Variants in MEIS1 observed in about 807,000 individuals in gnomAD.
MEIS1 encodes the protein Meis homeobox 1.
In MEIS1, 5 loss-of-function variants were observed where a neutral mutation model predicts 50.8. The ratio of observed to expected loss-of-function variants is 0.10; its 90% CI spans 0.05 to 0.21. The LOEUF (loss-of-function observed/expected upper bound fraction) is 0.21. MEIS1 is among the 10% of genes least tolerant of loss of function. The probability of loss-of-function intolerance (pLI) is 1.00; values close to 1 mark genes in which losing one functional copy is unlikely to be tolerated. For synonymous variants in MEIS1, 176 were observed against 179.3 expected, an observed-to-expected ratio of 0.98 and a Z score of 0.15; for missense variants, 318 against 517.3, an observed-to-expected ratio of 0.61 and a Z score of 3.74.
chr2:66,497,005 T>G (rs758326479), intron 7 of MEIS1, among the ~76,000 whole-genome samples: 1 of 152,212 alleles, frequency 6.6e-6, no homozygotes, highest in Non-Finnish European at 1.5e-5. Context: ...TGAGAGTACA[T>G]GCTTCGGTGT....
chr2:66,537,137 C>T, intron 8 of MEIS1, among the ~76,000 whole-genome samples: 1 of 152,206 alleles, frequency 6.6e-6, no homozygotes, highest in East Asian at 1.9e-4. Flanking sequence ...TTTAATGTCC[C>T]TACAGACTGC....
intron 8 of MEIS1, among the ~76,000 whole-genome samples, chr2:66,545,283 A>G (rs1488508792): frequency 6.6e-6 from 1 of 152,156 alleles, no homozygotes; most frequent in Non-Finnish European, 1.5e-5. Flanking sequence ...TCAGCAAATA[A>G]TTTTACAGGA....
Position 66,549,029 on chromosome 2 carries a change from A to G in MEIS1, c.965+1010A>G, listed in dbSNP as rs552887174. Among the ~76,000 whole-genome samples the G allele has an allele frequency of 2.6e-4, 39 of 152,264 alleles. 2 individuals carry two copies. The South Asian group carries it at 6.0e-3, about 23-fold the overall frequency. On this transcript the variant is annotated intron_variant, in intron 9 of 12. Coordinates refer to ENST00000272369, the MANE Select transcript of MEIS1 (RefSeq NM_002398.3). ...GTGAATAAATTTGTTCTTGATGTCT[A>G]TTGCACCTACATTAACAGACCCTTC...
chr2:66,534,326 G>A lies in MEIS1; in HGVS notation c.889-13617G>A, dbSNP rs191999528. On this transcript the variant is annotated intron_variant, in intron 8 of 12. Transcript: ENST00000272369. ...CAAGGCGGGCGGATCACGAGGTCAG[G>A]GGTTTGAGACCAGCCTGTCCAACAT... Among the ~76,000 whole-genome samples, 834 of 152,224 alleles carry A rather than the reference G, an allele frequency of 5.5e-3. 2 individuals are homozygous for A. Among genetic ancestry groups the A allele is most frequent in the Non-Finnish European group, 8.9e-3 (607 of 68,010 alleles).
At chr2:66,543,855 A>G (rs1174249036) in intron 8 of MEIS1, among the ~76,000 whole-genome samples, 1 of 152,250 alleles carries the variant, frequency 6.6e-6, no homozygotes, top group Non-Finnish European at 1.5e-5. Flanking sequence ...AATGTACACA[A>G]CAAAGGCGAG....
chr2:66,452,249 G>C (rs549514238), intron 6 of MEIS1, among the ~76,000 whole-genome samples: 25 of 151,934 alleles, frequency 1.6e-4, no homozygotes, highest in Admixed American at 5.2e-4. Flanking sequence ...ATTTCAAATT[G>C]CTCCTTCCTA....
chr2:66,436,662 T>C (rs1390633622), intron 1 of MEIS1, among the ~76,000 whole-genome samples: 3 of 152,226 alleles, frequency 2.0e-5, no homozygotes, highest in Non-Finnish European at 2.9e-5. Flanking sequence ...TTTACTCCTT[T>C]GGTTCAGGCA....
chr2:66,560,881 A>G (rs917990522), intron 9 of MEIS1, among the ~76,000 whole-genome samples: 9 of 152,098 alleles, frequency 5.9e-5, no homozygotes, highest in Admixed American at 2.6e-4. Flanking sequence ...ATGTATTGCA[A>G]TCTTGGAACT....
chr2:66,440,123 T>C (rs1671931118), intron 3 of MEIS1, 139 bp downstream of exon 3: 4 of 881,484 alleles, frequency 4.5e-6, no homozygotes, highest in Non-Finnish European at 6.7e-6. Flanking sequence ...CAGCACGTAG[T>C]CGGCCTTAAG....
chr2:66,514,030 C>T (rs1268988112), intron 8 of MEIS1, among the ~76,000 whole-genome samples: 2 of 152,204 alleles, frequency 1.3e-5, no homozygotes, highest in Admixed American at 6.5e-5. Flanking sequence ...AGCTAACTCG[C>T]TGTGTGGAAT....
Position 66,440,532 on chromosome 2 carries a change from C to T in MEIS1, c.382-30C>T, listed in dbSNP as rs201321841. On this transcript the variant is annotated intron_variant, in intron 3 of 12. Transcript: ENST00000272369. Reference sequence around the variant, plus strand: ...TTTCTTTCTTTTTTCTCTCCCCTCCCTCTCCCCTCTCCTTCTCACTTGTAT... The same window carrying T: ...TTTCTTTCTTTTTTCTCTCCCCTCCTTCTCCCCTCTCCTTCTCACTTGTAT... 1,468 of 1,597,564 alleles carry T rather than the reference C, an allele frequency of 9.2e-4. 2 individuals are homozygous for T. The highest frequency in any genetic ancestry group is 1.2e-3 in the Non-Finnish European group (1,395 of 1,166,858).
intron 7 of MEIS1, among the ~76,000 whole-genome samples, chr2:66,495,478 T>TA (rs1673379245): frequency 6.6e-6 from 1 of 152,196 alleles, no homozygotes; most frequent in South Asian, 2.1e-4. Context: ...ATGCCTGACT[T>TA]ATGGAGAGTT....
At chr2:66,525,119 A>C (rs4233937) in intron 8 of MEIS1, among the ~76,000 whole-genome samples, 1 of 151,884 alleles carries the variant, frequency 6.6e-6, no homozygotes, top group Admixed American at 6.6e-5. Context: ...AGGCTAAGGC[A>C]GGAAAATCGC....
At chr2:66,494,191 G>T (rs961646284) in intron 7 of MEIS1, among the ~76,000 whole-genome samples, 3 of 152,082 alleles carry the variant, frequency 2.0e-5, no homozygotes, top group African/African-American at 7.2e-5. Flanking sequence ...TCAACAAATC[G>T]ATCACTTGTT....
intron 7 of MEIS1, among the ~76,000 whole-genome samples, chr2:66,466,961 G>GA (rs1672652994): frequency 1.7e-4 from 25 of 144,840 alleles, no homozygotes; most frequent in African/African-American, 4.9e-4. Context: ...AAAAAGAAAA[G>GA]AAAGAAAGAA....
At chr2:66,515,391 C>G (rs116670189) in intron 8 of MEIS1, among the ~76,000 whole-genome samples, 2,541 of 151,954 alleles carry the variant, frequency 0.017, 74 homozygotes, top group African/African-American at 0.058. Context: ...TAGAATAGGC[C>G]CTGAATTAAA....
In MEIS1 at chr2:66,440,627, C is replaced by G; in HGVS notation, c.432+15C>G. On this transcript the variant is annotated intron_variant, in intron 4 of 12. Transcript: ENST00000272369. ...TGGATAACTTGGTAAGAGCGGACCC[C>G]TATTTCCCTCCCCCGCCCCCGACCC... is the stretch of plus-strand genomic sequence containing the variant. 1 of 1,594,096 alleles carries G rather than the reference C, an allele frequency of 6.3e-7. No homozygotes were observed. Among genetic ancestry groups the G allele is most frequent in the Non-Finnish European group, 8.6e-7 (1 of 1,167,724 alleles).
intron 7 of MEIS1, among the ~76,000 whole-genome samples, chr2:66,493,311 A>G (rs1673318456): frequency 6.6e-6 from 1 of 152,132 alleles, no homozygotes; most frequent in Admixed American, 6.5e-5. Context: ...TAACATTTGG[A>G]TAAGGACGCA....
intron 8 of MEIS1, among the ~76,000 whole-genome samples, chr2:66,525,230 AAAC>A (rs1406488143): frequency 2.0e-5 from 3 of 151,818 alleles, no homozygotes; most frequent in East Asian, 3.9e-4. Flanking sequence ...AACAAACAAA[AAAC>A]AACAAACAAA....
Sources: gnomAD v4.1 joint callset for allele counts (sites outside exome capture counted in the v4.1 genomes callset) on GRCh38, gnomAD v4.1.1 for gene constraint, MANE v1.5 for transcripts, NCBI Gene and HGNC (gene_info 2026-07-23, HGNC 2026-07-21) for gene names.